Variants in SSBP3 observed in about 807,000 individuals in gnomAD.
SSBP3 encodes single-stranded DNA-binding protein 3.
In SSBP3, 5 loss-of-function variants were observed where a neutral mutation model predicts 69.6. The ratio of observed to expected loss-of-function variants is 0.07; its 90% confidence interval spans 0.04 to 0.15. SSBP3 has a LOEUF of 0.15. SSBP3 is among the 10% of genes least tolerant of loss of function. The probability of loss-of-function intolerance (pLI) is 1.00; values close to 1 mark genes in which losing one functional copy is unlikely to be tolerated. For synonymous variants in SSBP3, 196 were observed against 193.4 expected (o/e 1.01, Z -0.11); for missense variants, 312 against 534.0 (o/e 0.58, Z 4.10).
chr1:54,260,466 G>A (rs1365790047), intron 5 of SSBP3, among the ~76,000 whole-genome samples: 2 of 152,244 alleles, frequency 1.3e-5, no homozygotes, highest in African/African-American at 2.4e-5. Flanking sequence ...ACCCAAGGGC[G>A]TGTGGCGCAC....
chr1:54,405,329 G>A (rs1011370762), intron 1 of SSBP3: 13 of 256,084 alleles, frequency 5.1e-5, no homozygotes, highest in Admixed American at 9.3e-5. Context: ...TGCTTGGCGC[G>A]CTCTGGAGAG....
At chr1:54,402,663 G>A (rs1021039611) in intron 3 of SSBP3, among the ~76,000 whole-genome samples, 3 of 152,068 alleles carry the variant, frequency 2.0e-5, no homozygotes, top group Non-Finnish European at 4.4e-5. Flanking sequence ...TTGCAGTAGA[G>A]GGCCCTCTTC....
At chr1:54,295,732 C>T (rs1459026858) in intron 4 of SSBP3, among the ~76,000 whole-genome samples, 1 of 152,202 alleles carries the variant, frequency 6.6e-6, no homozygotes, top group African/African-American at 2.4e-5. Context: ...CCCCTTTTCT[C>T]GTACTCTAAG....
At chr1:54,288,789 T>A (rs904630622) in intron 4 of SSBP3, among the ~76,000 whole-genome samples, 1 of 151,768 alleles carries the variant, frequency 6.6e-6, no homozygotes, top group Non-Finnish European at 1.5e-5. Context: ...GAGGCCAAGG[T>A]GGGCGGATCA....
chr1:54,302,406 G>A (rs893685011), intron 4 of SSBP3, among the ~76,000 whole-genome samples: 4 of 150,780 alleles, frequency 2.7e-5, no homozygotes, highest in South Asian at 2.1e-4. Context: ...TCCATCTCCC[G>A]GTTCAAGTGA....
rs146548417 is a variant in SSBP3, at chr1:54,355,451, C to T, written c.276+46410G>A. Among the ~76,000 whole-genome samples the T allele has an allele frequency of 7.8e-4, 118 of 152,252 alleles. 1 individual carries two copies. The highest frequency in any genetic ancestry group is 2.6e-3 in the African/African-American group (110 of 41,528). The stretch of plus-strand genomic sequence containing the variant: ...TGTAACCTCTGCCTTCTGGTTCAAG[C>T]GATTCTCCCGCCTCAACTTCCCAAG... On this transcript the variant is annotated intron_variant, in intron 4 of 17. Coordinates refer to ENST00000610401, the Ensembl canonical transcript of SSBP3.
Position 54,282,074 on chromosome 1 carries a change from A to AATAATAATAATAATAAT in SSBP3, c.277-548_277-547insATTATTATTATTATTAT, listed in dbSNP as rs1553130865. Among the ~76,000 whole-genome samples the AATAATAATAATAATAAT allele has an allele frequency of 1.6e-3, 205 of 125,034 alleles. 1 individual carries two copies. Among genetic ancestry groups the AATAATAATAATAATAAT allele is most frequent in the African/African-American group, 5.4e-3 (169 of 31,048 alleles). The allele number at this position is 125,034 out of a possible 152,430, so 82.0% of individuals were successfully genotyped here. On this transcript the variant is annotated intron_variant, in intron 4 of 17. Coordinates refer to ENST00000610401, the Ensembl canonical transcript of SSBP3. ...ATAATAATAATAATAATAATAATAAAAAAATGGGGGGACAATGTCCACCAT... is the reference window on the plus strand; with the variant it reads ...ATAATAATAATAATAATAATAATAAAATAATAATAATAATAATAAAATGGGGGGACAATGTCCACCAT...
At chr1:54,226,666 C>CTT (rs1644289844) in exon 18 of SSBP3, 1 of 140,714 alleles carries the variant, frequency 7.1e-6, no homozygotes. Flanking sequence ...TTTCCTTTTT[C>CTT]CTTTTTTTTT....
intron 4 of SSBP3, among the ~76,000 whole-genome samples, chr1:54,331,218 A>G (rs1199037797): frequency 6.6e-6 from 1 of 152,168 alleles, no homozygotes; most frequent in Non-Finnish European, 1.5e-5. Flanking sequence ...CATTGTCTGG[A>G]CACAGTCACT....
chr1:54,411,037 A>G (rs1649976296), upstream of SSBP3, among the ~76,000 whole-genome samples: 1 of 152,262 alleles, frequency 6.6e-6, no homozygotes, highest in African/African-American at 2.4e-5. Flanking sequence ...TCCAACGGAC[A>G]CATACTTCTC....
intron 4 of SSBP3, among the ~76,000 whole-genome samples, chr1:54,292,345 G>A (rs1325588504): frequency 6.6e-6 from 1 of 152,192 alleles, no homozygotes; most frequent in Middle Eastern, 3.2e-3. Flanking sequence ...ACAGAAACTA[G>A]CTAGGTAACC....
rs150631185 is a variant in SSBP3, at chr1:54,375,427, G to A, written c.276+26434C>T. ...AGACTGGGGTCTGCCAGAGGACTCT[G>A]CTCTGAGCTCTTTCCCACAGGCCAG... On this transcript the variant is annotated intron_variant, in intron 4 of 17. Transcript: ENST00000610401. 2.0e-4 allele frequency among the ~76,000 whole-genome samples: 30 copies of A among 152,204 alleles called. No individual in the cohort carries two copies. The East Asian group carries it at 4.1e-3, about 21-fold the overall frequency.
intron 4 of SSBP3, among the ~76,000 whole-genome samples, chr1:54,372,301 C>A (rs992325710): frequency 6.6e-6 from 1 of 152,174 alleles, no homozygotes; most frequent in African/African-American, 2.4e-5. Context: ...GACTGAGAGC[C>A]CAATAAATGT....
chr1:54,402,077 G>A (rs1370854452), intron 3 of SSBP3, 132 bp from the exon 4 acceptor site: 1 of 693,668 alleles, frequency 1.4e-6, no homozygotes, highest in African/African-American at 1.8e-5. Context: ...AGCTCTCATT[G>A]GGCAAACAGC....
chr1:54,267,989 C>G (rs779604126), intron 5 of SSBP3, among the ~76,000 whole-genome samples: 1 of 152,258 alleles, frequency 6.6e-6, no homozygotes, highest in African/African-American at 2.4e-5. Context: ...ACCTCAGCCT[C>G]CCAAGCGGGT....
intron 4 of SSBP3, among the ~76,000 whole-genome samples, chr1:54,330,827 C>A (rs114135016): frequency 3.3e-4 from 50 of 152,328 alleles, no homozygotes; most frequent in African/African-American, 1.2e-3. Flanking sequence ...AGATCGCCAA[C>A]GCAGGCCACC....
chr1:54,262,721 A>G (rs753734221), intron 5 of SSBP3, among the ~76,000 whole-genome samples: 1 of 152,228 alleles, frequency 6.6e-6, no homozygotes, highest in South Asian at 2.1e-4. Context: ...TGGTACCCCC[A>G]TGAGCCAACC....
rs773585906 is a variant in SSBP3 at position 54,404,689 on chromosome 1, G to A, written c.130-52C>T. On this transcript the variant is annotated intron_variant, in intron 2 of 17. Transcript: ENST00000610401. ...TAGAGGAGCAGAGACGGGGTGGGCT[G>A]GGGGCTTCCCAGAGCCAAAAGGCTA... 1.7e-5 allele frequency: 28 copies of A among 1,604,284 alleles called. No individual in the cohort carries two copies. In the South Asian group the frequency reaches 3.0e-4, roughly 17 times the overall value.
chr1:54,240,085 TGTGCGC>T (rs199927492), intron 13 of SSBP3, among the ~76,000 whole-genome samples: 13,875 of 38,012 alleles, frequency 0.37, 859 homozygotes, highest in East Asian at 0.55. Flanking sequence ...TGTGTGTGTG[TGTGCGC>T]GCGCGCGCGT....
Sources: gnomAD v4.1 joint callset for allele counts (sites outside exome capture counted in the v4.1 genomes callset) on GRCh38, gnomAD v4.1.1 for gene constraint, MANE v1.5 for transcripts, NCBI Gene and HGNC (gene_info 2026-07-23, HGNC 2026-07-21) for gene names.